Variants in ARMC3 observed in about 807,000 individuals in gnomAD.
ARMC3 encodes the protein armadillo repeat-containing protein 3.
Under a neutral mutation model 90.3 loss-of-function variants are expected in ARMC3, and 74 were observed. The ratio of observed to expected loss-of-function variants is 0.82; its 90% CI spans 0.68 to 0.99. ARMC3 has a LOEUF of 0.99. ARMC3 is among the 50% of genes least tolerant of loss of function. The pLI, the probability that ARMC3 is intolerant of heterozygous loss-of-function variation, is 0.00. For synonymous variants in ARMC3, 334 were observed against 361.8 expected (o/e 0.92, Z 0.87); for missense variants, 958 against 1,042.8 (o/e 0.92, Z 1.12).
chr10:23,014,225 A>C, intron 16 of ARMC3: 2 of 1,529,468 alleles, frequency 1.3e-6, no homozygotes, highest in Non-Finnish European at 1.8e-6. Flanking sequence ...ATTGTAAATG[A>C]AAATGATGAT....
rs757770108 is a variant in ARMC3, at chr10:23,003,314, A to C, written c.1631A>C (p.Tyr544Ser). The C allele has an allele frequency of 3.1e-6, 5 of 1,613,830 alleles. No individual in the cohort carries two copies. The South Asian group carries it at 5.5e-5, about 18-fold the overall frequency. ...AAAAATAAATTCAGTGAGGCAGCTT[A>C]TAATAAGTTGCTCAATAACAATCTT... ...TRKNKFSEAA[Y>S]NKLLNNNLSL... The change falls in exon 13 of 19, where the codon TAT becomes TCT. Residue 544 changes from tyrosine to serine, a missense_variant. Coordinates refer to ENST00000298032, the MANE Select transcript of ARMC3 (RefSeq NM_173081.5).
intron 1 of ARMC3, among the ~76,000 whole-genome samples, chr10:22,929,475 T>C (rs1774548058): frequency 6.6e-6 from 1 of 152,228 alleles, no homozygotes; most frequent in African/African-American, 2.4e-5. Context: ...CATAGCTCAT[T>C]GCCACCGACC....
chr10:22,995,455 G>A (rs1423976749), intron 10 of ARMC3, among the ~76,000 whole-genome samples: 1 of 152,150 alleles, frequency 6.6e-6, no homozygotes, highest in South Asian at 2.1e-4. Context: ...TGTGCCAGCT[G>A]TGCCTGCACG....
intron 10 of ARMC3, among the ~76,000 whole-genome samples, chr10:22,991,921 G>A (rs897118688): frequency 4.6e-5 from 7 of 152,112 alleles, no homozygotes; most frequent in Non-Finnish European, 8.8e-5. Flanking sequence ...ATGTAAATAC[G>A]CTGATTTCCA....
chr10:22,943,364 G>A (rs1461879823), intron 2 of ARMC3, among the ~76,000 whole-genome samples: 1 of 151,912 alleles, frequency 6.6e-6, no homozygotes, highest in African/African-American at 2.4e-5. Context: ...TTTCTGAGTT[G>A]AGCAATTTTC....
chr10:23,007,716 A>C (rs1296614852), intron 14 of ARMC3, among the ~76,000 whole-genome samples: 1 of 108,078 alleles, frequency 9.3e-6, no homozygotes, highest in Non-Finnish European at 1.9e-5. Context: ...AAAAAAAAAA[A>C]AGAGAGAGAG....
intron 8 of ARMC3, among the ~76,000 whole-genome samples, chr10:22,978,886 G>A (rs888189857): frequency 6.6e-6 from 1 of 152,114 alleles, no homozygotes; most frequent in Non-Finnish European, 1.5e-5. Context: ...GTCATGCATT[G>A]TCATTGTATG....
intron 16 of ARMC3, among the ~76,000 whole-genome samples, chr10:23,025,773 C>T (rs990895550): frequency 4.0e-5 from 6 of 151,830 alleles, no homozygotes; most frequent in African/African-American, 1.4e-4. Context: ...AAAACAGAAA[C>T]AATAGAGAAA....
At chr10:22,943,955 T>C (rs977141967) in intron 2 of ARMC3, among the ~76,000 whole-genome samples, 1 of 151,958 alleles carries the variant, frequency 6.6e-6, no homozygotes, top group African/African-American at 2.4e-5. Flanking sequence ...AAAAATTGTA[T>C]TATGATTCAC....
chr10:22,995,911 C>T (rs1299941071), intron 10 of ARMC3, among the ~76,000 whole-genome samples: 1 of 152,132 alleles, frequency 6.6e-6, no homozygotes. Flanking sequence ...TTGAAGTACC[C>T]TGCGATTGTA....
chr10:23,026,452 T>A (rs1327520445), intron 16 of ARMC3, among the ~76,000 whole-genome samples: 1 of 152,098 alleles, frequency 6.6e-6, no homozygotes, highest in Non-Finnish European at 1.5e-5. Flanking sequence ...ATCAATGTAA[T>A]CCATCATATT....
intron 18 of ARMC3, among the ~76,000 whole-genome samples, chr10:23,035,086 C>T (rs1405013488): frequency 6.6e-6 from 1 of 152,126 alleles, no homozygotes; most frequent in African/African-American, 2.4e-5. Context: ...GATCAGAGTG[C>T]CAGCAGATTC....
chr10:22,978,041 G>A (rs1167103483), intron 8 of ARMC3, among the ~76,000 whole-genome samples: 2 of 152,106 alleles, frequency 1.3e-5, no homozygotes, highest in Non-Finnish European at 2.9e-5. Flanking sequence ...TTAAATCTTT[G>A]TCATTGCCTA....
Position 22,998,176 on chromosome 10 carries a change from C to A in ARMC3, c.1204C>A (p.Pro402Thr), listed in dbSNP as rs542262578. 6.2e-7 allele frequency: 1 copy of A among 1,613,908 alleles called. No homozygotes were observed. Among genetic ancestry groups the A allele is most frequent in the Admixed American group, 1.7e-5 (1 of 60,014 alleles). Residue 402 changes from proline to threonine, a missense_variant, in exon 11 of 19, where the codon CCA becomes ACA. Coordinates refer to ENST00000298032, the MANE Select transcript of ARMC3 (RefSeq NM_173081.5). ...TGCTGCTGAAGCTGATGGTATTGATCCATTAATAAACCTCCTGTCTAGTAA... is the reference window on the plus strand; with the variant it reads ...TGCTGCTGAAGCTGATGGTATTGATACATTAATAAACCTCCTGTCTAGTAA... ...NAAAEADGID[P>T]LINLLSSKRD...
intron 2 of ARMC3, among the ~76,000 whole-genome samples, chr10:22,936,047 GA>G (rs1834095694): frequency 6.6e-6 from 1 of 152,086 alleles, no homozygotes; most frequent in Non-Finnish European, 1.5e-5. Context: ...CAACTGTGAT[GA>G]TTTATTTTCA....
At chr10:22,933,291 G>A (rs529441915) in intron 2 of ARMC3, among the ~76,000 whole-genome samples, 1 of 151,922 alleles carries the variant, frequency 6.6e-6, no homozygotes, top group Admixed American at 6.6e-5. Flanking sequence ...TCCAAGGTTT[G>A]TATCACTCCC....
intron 8 of ARMC3, among the ~76,000 whole-genome samples, chr10:22,978,857 G>C (rs533342415): frequency 6.6e-6 from 1 of 151,392 alleles, no homozygotes; most frequent in African/African-American, 2.4e-5. Flanking sequence ...ATCATCATAA[G>C]AATATTTTTT....
chr10:22,990,174 C>CA (rs1836640996), intron 10 of ARMC3, among the ~76,000 whole-genome samples: 1 of 150,142 alleles, frequency 6.7e-6, no homozygotes, highest in African/African-American at 2.4e-5. Context: ...TTCCCCCCCC[C>CA]ACTTCCAATT....
chr10:23,015,964 A>G (rs888244516), intron 16 of ARMC3, among the ~76,000 whole-genome samples: 14 of 152,100 alleles, frequency 9.2e-5, no homozygotes, highest in Non-Finnish European at 5.9e-5. Flanking sequence ...TAGAACTTAC[A>G]TCCTAGTGAG....
Sources: allele counts gnomAD v4.1 joint callset (sites outside exome capture counted in the v4.1 genomes callset), GRCh38; gene constraint gnomAD v4.1.1; transcripts MANE v1.5; gene names NCBI Gene and HGNC (gene_info 2026-07-23, HGNC 2026-07-21).